Variants in GATD1 observed in about 807,000 individuals in gnomAD.
GATD1 encodes glutamine amidotransferase-like class 1 domain-containing protein 1.
In GATD1, 23 loss-of-function variants were observed where a neutral mutation model predicts 25.9. That is an observed-to-expected ratio of 0.89 (90% CI 0.64 to 1.26). The LOEUF (loss-of-function observed/expected upper bound fraction) is 1.26, where lower values mean the gene tolerates loss of function less well. GATD1 is among the 50% of genes most tolerant of loss of function. GATD1 has a pLI of 0.00. For missense variants in GATD1, 347 were observed against 312.5 expected (o/e 1.11, Z -0.83); for synonymous variants, 177 against 134.6 (o/e 1.31, Z -2.18).
In GATD1 at chr11:776,957, C is replaced by T. The variant is rs148814686; in HGVS notation, c.64+442G>A. 4.0e-3 allele frequency: 621 copies of T among 153,896 alleles called. 5 individuals are homozygous for T. Among genetic ancestry groups the T allele is most frequent in the Non-Finnish European group, 6.8e-3 (470 of 69,202 alleles). 9.5% of individuals were successfully genotyped at this position (153,896 alleles called of 1,614,324 possible). ...AGCCGGTGGCTCAGAAGGTCAGGGTCCCCGCGGCCGCCCGACCTCAGAGCT... is the reference window on the plus strand; with the variant it reads ...AGCCGGTGGCTCAGAAGGTCAGGGTTCCCGCGGCCGCCCGACCTCAGAGCT... On this transcript the variant is annotated intron_variant, in intron 1 of 7. Transcript: ENST00000319863.
chr11:771,535 C>T (rs773185455), intron 5 of GATD1, 109 bp from the exon 6 acceptor site: 82 of 1,428,294 alleles, frequency 5.7e-5, no homozygotes, highest in Non-Finnish European at 7.2e-5. Context: ...CAAGTGGGAC[C>T]GGGGGTGTCA....
At chr11:771,150 C>T (rs1863401941) in intron 6 of GATD1, 46 bp from the exon 7 acceptor site, 1 of 1,551,834 alleles carries the variant, frequency 6.4e-7, no homozygotes, top group African/African-American at 1.4e-5. Context: ...TCCACCTCAC[C>T]CACTGAGAGC....
At position 770,654 on chromosome 11, in the gene GATD1, G is replaced by T; in HGVS notation, c.*243C>A. 1.4e-6 allele frequency: 2 copies of T among 1,419,178 alleles called. No individual in the cohort carries two copies. Among genetic ancestry groups the T allele is most frequent in the Non-Finnish European group, 1.8e-6 (2 of 1,090,392 alleles). 87.9% of individuals were successfully genotyped at this position (1,419,178 alleles called of 1,614,324 possible). A position where few individuals can be genotyped will look rare whatever the true frequency, so the allele number is the denominator to read the frequency against. ...GCAGCTAGCACAGCTCTCCAGGCAC[G>T]TGGGGTCTTTTCTCTGCCTCCTACC... is the stretch of plus-strand genomic sequence containing the variant. On this transcript the variant is annotated 3_prime_UTR_variant, in exon 8 of 8. Transcript: ENST00000319863.
chr11:775,973 A>ATTTT (rs1863922946), intron 1 of GATD1, among the ~76,000 whole-genome samples: 5 of 68,470 alleles, frequency 7.3e-5, no homozygotes, highest in South Asian at 3.6e-4. Context: ...TTTTATCTTC[A>ATTTT]TTCTTTTTTT....
intron 1 of GATD1, among the ~76,000 whole-genome samples, chr11:776,342 CAA>C (rs1863978789): frequency 2.0e-5 from 3 of 152,146 alleles, no homozygotes; most frequent in Admixed American, 2.0e-4. Flanking sequence ...CGAGGAAAAA[CAA>C]AGTGCCCAGT....
Position 769,055 on chromosome 11 carries a change from T to A in GATD1, c.*1842A>T, listed in dbSNP as rs1478147234. On this transcript the variant is annotated 3_prime_UTR_variant, in exon 8 of 8. Transcript: ENST00000319863. ...GACAGAGGTTGCAGTGAGCCAAGAT[T>A]GTGCCACTGCACTCCAGCCTGGGTG... 6 of 836,902 alleles carry A rather than the reference T, an allele frequency of 7.2e-6. No individual in the cohort carries two copies. The Admixed American group carries it at 3.7e-4, about 52-fold the overall frequency. 51.8% of individuals were successfully genotyped at this position (836,902 alleles called of 1,614,324 possible).
intron 5 of GATD1, among the ~76,000 whole-genome samples, chr11:771,806 G>C (rs548521363): frequency 6.6e-6 from 1 of 152,142 alleles, no homozygotes; most frequent in South Asian, 2.1e-4. Flanking sequence ...CTTGTAACCT[G>C]AGACTGGGTT....
At chr11:774,141 G>A (rs1590094601) in intron 2 of GATD1, 28 bp from the exon 3 acceptor site, 1 of 1,587,954 alleles carries the variant, frequency 6.3e-7, no homozygotes, top group South Asian at 1.1e-5. Context: ...AGGGGCCGAG[G>A]GTCAGCACCA....
In GATD1 at chr11:767,396, C is replaced by T; in HGVS notation, c.*3501G>A. 6.5e-7 allele frequency: 1 copy of T among 1,531,910 alleles called. No homozygotes were observed. The highest frequency in any genetic ancestry group is 8.7e-7 in the Non-Finnish European group (1 of 1,144,980). The allele number at this position is 1,531,910 out of a possible 1,614,324, so 94.9% of individuals were successfully genotyped here. ...GCCCTGGCAAAGAGAGAACTGTGCA[C>T]AGCGGGGAGGCTCTCCAAGCCAGAG... On this transcript the variant is annotated 3_prime_UTR_variant, in exon 8 of 8. Coordinates refer to ENST00000319863, the MANE Select transcript of GATD1 (RefSeq NM_182612.4).
chr11:773,724 C>G, intron 3 of GATD1, 95 bp from the exon 4 acceptor site: 1 of 901,980 alleles, frequency 1.1e-6, no homozygotes, highest in Non-Finnish European at 1.7e-6. Context: ...AGACCCTCCA[C>G]AGGGACCAGC....
chr11:772,850 C>A (rs1863588097), intron 4 of GATD1, among the ~76,000 whole-genome samples: 1 of 152,220 alleles, frequency 6.6e-6, no homozygotes, highest in African/African-American at 2.4e-5. Context: ...GCCCGGCAGC[C>A]CCACTGCATA....
chr11:776,020 G>A, intron 1 of GATD1, among the ~76,000 whole-genome samples: 1 of 119,540 alleles, frequency 8.4e-6, no homozygotes, highest in Admixed American at 1.1e-4. Context: ...GTCTCGGTCT[G>A]TCGCCAGGCT....
At chr11:771,216 A>T (rs1050610880) in intron 6 of GATD1, 112 bp from the exon 7 acceptor site, 5 of 1,545,968 alleles carry the variant, frequency 3.2e-6, no homozygotes, top group Non-Finnish European at 4.4e-6. Flanking sequence ...TCTGGGTCTG[A>T]GTCAGTGCCA....
intron 2 of GATD1, among the ~76,000 whole-genome samples, chr11:774,464 T>C (rs924320209): frequency 4.6e-5 from 7 of 152,244 alleles, no homozygotes; most frequent in Non-Finnish European, 7.3e-5. Context: ...AGTGGAAACA[T>C]GTGCCCCTCA....
intron 6 of GATD1, 110 bp downstream of exon 6, chr11:771,223 G>A (rs1369231656): frequency 4.5e-6 from 7 of 1,546,988 alleles, no homozygotes; most frequent in South Asian, 3.6e-5. Flanking sequence ...CTGAGTCAGT[G>A]CCATGGGGGT....
Position 769,112 on chromosome 11 carries a change from T to C in GATD1, c.*1785A>G. On this transcript the variant is annotated 3_prime_UTR_variant, in exon 8 of 8. Transcript: ENST00000319863. ...GACAAACTCCATCTCAAAAAATAAA[T>C]AAAATAAAAAGCATTTGTCCACAGA... 1.0e-6 allele frequency: 1 copy of C among 969,484 alleles called. No individual in the cohort carries two copies. The highest frequency in any genetic ancestry group is 1.2e-6 in the Non-Finnish European group (1 of 823,594). The allele number at this position is 969,484 out of a possible 1,614,324, so 60.1% of individuals were successfully genotyped here. A position where few individuals can be genotyped will look rare whatever the true frequency, so the allele number is the denominator to read the frequency against.
At chr11:776,852 C>T (rs1864035638) in intron 1 of GATD1, 1 of 152,340 alleles carries the variant, frequency 6.6e-6, no homozygotes, top group African/African-American at 2.4e-5. Context: ...AGCCCCAGGC[C>T]AGTACTGCCC....
At chr11:773,251 C>T (rs550463688) in intron 4 of GATD1, 2 of 424,224 alleles carry the variant, frequency 4.7e-6, no homozygotes, top group East Asian at 1.1e-4. Flanking sequence ...GGAATCAGGC[C>T]GGTGTCCTGC....
At position 777,487 on chromosome 11, in the gene GATD1, C is replaced by T. The variant is rs899919709; in HGVS notation, c.-25G>A. ...TGGCTCGGGCTCGGCGCTGGGTCTG[C>T]GCGTGCGCGGCGTCTGGGCGCGCCC... On this transcript the variant is annotated 5_prime_UTR_variant, in exon 1 of 8. Coordinates refer to ENST00000319863, the MANE Select transcript of GATD1 (RefSeq NM_182612.4). 8.3e-6 allele frequency: 10 copies of T among 1,200,046 alleles called. No individual in the cohort carries two copies. The highest frequency in any genetic ancestry group is 9.3e-6 in the Non-Finnish European group (9 of 966,608). The allele number at this position is 1,200,046 out of a possible 1,614,324, so 74.3% of individuals were successfully genotyped here. A position where few individuals can be genotyped will look rare whatever the true frequency, so the allele number is the denominator to read the frequency against.
Sources: allele counts gnomAD v4.1 joint callset (sites outside exome capture counted in the v4.1 genomes callset), GRCh38; gene constraint gnomAD v4.1.1; transcripts MANE v1.5; gene names NCBI Gene and HGNC (gene_info 2026-07-23, HGNC 2026-07-21).